Variants in DOK7 observed in about 807,000 individuals in gnomAD.
The protein encoded by DOK7 is docking protein 7, also known as protein Dok-7.
In DOK7, 32 loss-of-function variants were observed where a neutral mutation model predicts 30.7. That is an observed-to-expected ratio of 1.04 (90% CI 0.79 to 1.40). DOK7 has a LOEUF of 1.40. Ranked by LOEUF, DOK7 falls within the 40% of genes most tolerant of loss-of-function variation. The pLI is 0.00. For synonymous variants in DOK7, 447 were observed against 324.1 expected (o/e 1.38, Z -4.07); for missense variants, 1,007 against 699.2 (o/e 1.44, Z -4.97).
intron 6 of DOK7, among the ~76,000 whole-genome samples, chr4:3,491,413 T>G (rs1560229507): frequency 2.4e-5 from 3 of 124,384 alleles, no homozygotes; most frequent in Non-Finnish European, 5.1e-5. Flanking sequence ...CCAGCTTCCT[T>G]CTTTCCTTCT....
chr4:3,496,443 C>T (rs2699411), downstream of DOK7, among the ~76,000 whole-genome samples: 54,434 of 152,222 alleles, frequency 0.36, 10,106 homozygotes, highest in South Asian at 0.52. Flanking sequence ...GGTCGGAGCC[C>T]AGACACTACC....
intron 2 of DOK7, among the ~76,000 whole-genome samples, chr4:3,468,495 T>C (rs1726471007): frequency 6.7e-6 from 1 of 150,308 alleles, no homozygotes; most frequent in African/African-American, 2.5e-5. Flanking sequence ...TGTATGAGTG[T>C]GCATGTGCGT....
At chr4:3,473,658 CG>C in intron 3 of DOK7, 22 bp downstream of exon 3, 1 of 1,523,576 alleles carries the variant, frequency 6.6e-7, no homozygotes, top group Non-Finnish European at 8.9e-7. Context: ...GGGCCGGGGC[CG>C]GGCGGGGGCT....
intron 2 of DOK7, among the ~76,000 whole-genome samples, chr4:3,468,514 GTA>G (rs1323398693): frequency 2.1e-4 from 30 of 144,852 alleles, no homozygotes; most frequent in Admixed American, 3.4e-4. Flanking sequence ...GTGTGTGCGT[GTA>G]TGAGTGTGTG....
chr4:3,483,607 A>G (rs1216902159), intron 4 of DOK7, among the ~76,000 whole-genome samples: 2 of 152,206 alleles, frequency 1.3e-5, no homozygotes, highest in Non-Finnish European at 2.9e-5. Flanking sequence ...GACGCTCCGC[A>G]GACGCCGCAT....
At chr4:3,485,479 C>G (rs1727711971) in intron 4 of DOK7, 60 bp from the exon 5 acceptor site, 4 of 1,457,158 alleles carry the variant, frequency 2.7e-6, no homozygotes, top group Non-Finnish European at 3.7e-6. Context: ...TGTTCCTCCT[C>G]TTCAGGGTCC....
intron 4 of DOK7, among the ~76,000 whole-genome samples, chr4:3,477,980 G>A (rs1431666623): frequency 6.6e-6 from 1 of 152,182 alleles, no homozygotes; most frequent in Non-Finnish European, 1.5e-5. Flanking sequence ...GGCACAGTGG[G>A]TGGGCCCAGC....
rs149905649 is a variant in DOK7, at chr4:3,493,190, C to A, written c.1204C>A (p.Arg402=). Residue 402 remains arginine (R), a synonymous_variant, in exon 7 of 7, where the codon CGG becomes AGG. Transcript: ENST00000340083. ...TVEYQVPTSL[R]AHYDTPRSLC... ...CGAGTACCAGGTGCCCACCTCCCTG[C>A]GGGCCCACTATGACACACCACGCAG... 2.5e-6 allele frequency: 4 copies of A among 1,610,560 alleles called. No individual in the cohort carries two copies. The highest frequency in any genetic ancestry group is 3.4e-6 in the Non-Finnish European group (4 of 1,179,238).
chr4:3,485,575 A>G lies in DOK7; in HGVS notation c.569A>G (p.Glu190Gly), dbSNP rs2109370401. Residue 190 changes from glutamate to glycine, a missense_variant, in exon 5 of 7, where the codon GAG (glutamate) becomes GGG (glycine). Coordinates refer to ENST00000340083, the MANE Select transcript of DOK7 (RefSeq NM_173660.5). ...TTCTTCCTGTCCTCGGCCGAGGGGG[A>G]GCAGATCAGCTTCCTGTTCGACTGC... ...GVFFLSSAEG[E>G]QISFLFDCIV... is the part of the protein sequence containing the mutation. The G allele has an allele frequency of 1.9e-6, 3 of 1,602,636 alleles. No homozygotes were observed. The highest frequency in any genetic ancestry group is 1.7e-6 in the Non-Finnish European group (2 of 1,174,170).
At chr4:3,490,229 TCA>T (rs1728174472) in intron 6 of DOK7, among the ~76,000 whole-genome samples, 1 of 77,482 alleles carries the variant, frequency 1.3e-5, no homozygotes, top group Non-Finnish European at 2.3e-5. Flanking sequence ...CTTCACCCCC[TCA>T]TTCATTCCTT....
chr4:3,487,319 G>T (rs1390188251), intron 5 of DOK7, among the ~76,000 whole-genome samples: 1 of 152,246 alleles, frequency 6.6e-6, no homozygotes, highest in Non-Finnish European at 1.5e-5. Context: ...GAGGGTCTGG[G>T]CTGATGGGTT....
chr4:3,473,445 G>A lies in DOK7; in HGVS notation c.140G>A (p.Arg47His), dbSNP rs746356153. The change falls in exon 3 of 7, where the codon CGT becomes CAT. Residue 47 changes from arginine (R) to histidine (H), a missense_variant. Physicochemically the swap from Arg to His is conservative, Grantham distance 29. Coordinates refer to ENST00000340083, the MANE Select transcript of DOK7 (RefSeq NM_173660.5). ...CTGGTCTACAAGGACAAGTCGGAGCGTATCAAGGGCCTGCGGGAGCGCAGC... is the reference window on the plus strand; with the variant it reads ...CTGGTCTACAAGGACAAGTCGGAGCATATCAAGGGCCTGCGGGAGCGCAGC... ...LMLVYKDKSERIKGLRERSSL... is the reference protein window; with the variant it reads ...LMLVYKDKSEHIKGLRERSSL... 1.2e-5 allele frequency: 20 copies of A among 1,610,908 alleles called. No individual in the cohort carries two copies. The highest frequency in any genetic ancestry group is 2.2e-4 in the Middle Eastern group (1 of 4,476).
At chr4:3,492,147 GGGCCT>G (rs111364274) in intron 6 of DOK7, among the ~76,000 whole-genome samples, 1 of 152,202 alleles carries the variant, frequency 6.6e-6, no homozygotes, top group Admixed American at 6.5e-5. Flanking sequence ...AGCACGGGAG[GGGCCT>G]GGCCTGGCAG....
At chr4:3,489,554 G>C in intron 5 of DOK7, 123 bp from the exon 6 acceptor site, 1 of 1,468,942 alleles carries the variant, frequency 6.8e-7, no homozygotes, top group South Asian at 1.2e-5. Flanking sequence ...GAGGAGCGGG[G>C]ACTCCCAGGG....
At chr4:3,484,840 G>T (rs1727663950) in intron 4 of DOK7, 2 of 985,348 alleles carry the variant, frequency 2.0e-6, no homozygotes, top group African/African-American at 3.5e-5. Context: ...GCATGTGTGG[G>T]CAGGTGCCGT....
At chr4:3,489,921 CTCCTGCTCATTCA>C in intron 6 of DOK7, 125 bp downstream of exon 6, 1 of 1,410,778 alleles carries the variant, frequency 7.1e-7, no homozygotes. Flanking sequence ...TTCCTTCTGT[CTCCTGCTCATTCA>C]TTCTTCCCCC....
At chr4:3,472,388 C>T (rs1358818918) in intron 2 of DOK7, among the ~76,000 whole-genome samples, 1 of 152,250 alleles carries the variant, frequency 6.6e-6, no homozygotes, top group Non-Finnish European at 1.5e-5. Flanking sequence ...CCTGCATGCT[C>T]ACAGGGATTT....
exon 7 of DOK7, chr4:3,500,332 T>A: frequency 6.5e-7 from 1 of 1,535,846 alleles, no homozygotes; most frequent in Non-Finnish European, 8.7e-7. Context: ...AACATCCCCG[T>A]CAGCCCATCC....
chr4:3,470,418 C>G (rs1473348529), intron 2 of DOK7, among the ~76,000 whole-genome samples: 1 of 152,232 alleles, frequency 6.6e-6, no homozygotes, highest in Non-Finnish European at 1.5e-5. Flanking sequence ...CAGGCGTTCC[C>G]AAGGTGCAGG....
Sources: allele counts gnomAD v4.1 joint callset (sites outside exome capture counted in the v4.1 genomes callset), GRCh38; gene constraint gnomAD v4.1.1; transcripts MANE v1.5; gene names NCBI Gene and HGNC (gene_info 2026-07-23, HGNC 2026-07-21).